Variants in PTPRO observed in about 807,000 individuals in gnomAD.
PTPRO encodes protein tyrosine phosphatase receptor type O.
Under a neutral mutation model 145.2 loss-of-function variants are expected in PTPRO, and 62 were observed. The ratio of observed to expected loss-of-function variants is 0.43; its 90% CI spans 0.35 to 0.53. The LOEUF (loss-of-function observed/expected upper bound fraction) is 0.53. Ranked by LOEUF, PTPRO falls within the 20% of genes least tolerant of loss-of-function variation. The probability of loss-of-function intolerance (pLI) is 0.01; values close to 1 mark genes in which losing one functional copy is unlikely to be tolerated. For synonymous variants in PTPRO, 565 were observed against 514.7 expected (o/e 1.10, Z -1.32); for missense variants, 1,345 against 1,482.7 (o/e 0.91, Z 1.53).
chr12:15,556,666 A>T (rs1418101217), intron 15 of PTPRO, among the ~76,000 whole-genome samples: 3 of 152,198 alleles, frequency 2.0e-5, no homozygotes, highest in Admixed American at 2.0e-4. Flanking sequence ...TAAGAGAAAG[A>T]TTTTGGAGGA....
At chr12:15,583,866 C>T (rs879621154) in intron 23 of PTPRO, among the ~76,000 whole-genome samples, 5 of 152,178 alleles carry the variant, frequency 3.3e-5, no homozygotes, top group Non-Finnish European at 5.9e-5. Flanking sequence ...TGTTAACTGG[C>T]AGTTAACAAT....
intron 1 of PTPRO, among the ~76,000 whole-genome samples, chr12:15,404,373 G>A (rs888507249): frequency 6.6e-5 from 10 of 152,018 alleles, no homozygotes; most frequent in African/African-American, 2.2e-4. Context: ...ATTACTCATG[G>A]CATTGGACAT....
chr12:15,369,419 G>A (rs1938457100), intron 1 of PTPRO, among the ~76,000 whole-genome samples: 2 of 152,144 alleles, frequency 1.3e-5, no homozygotes, highest in South Asian at 4.1e-4. Context: ...CTAGCAGGTA[G>A]GATGCGAAAC....
rs1395692706 is a variant in PTPRO at position 15,484,018 on chromosome 12, C to T, written c.120C>T (p.Ile40=). 6 of 1,613,522 alleles carry T rather than the reference C, an allele frequency of 3.7e-6. No individual in the cohort carries two copies. Among genetic ancestry groups the T allele is most frequent in the Non-Finnish European group, 5.1e-6 (6 of 1,179,532 alleles). The change falls in exon 2 of 27, where the codon ATC becomes ATT. Residue 40 remains isoleucine (I), a synonymous_variant. Coordinates refer to ENST00000281171, the MANE Select transcript of PTPRO (RefSeq NM_030667.3). ...FHVTVQDDNN[I]VVSLEASDVI... is the part of the protein sequence containing the mutation. ...TAACTGTCCAAGATGATAATAACAT[C>T]GTTGTCTCATTAGAAGCTTCAGACG...
At chr12:15,410,112 C>CAATAAAA (rs1208110988) in intron 1 of PTPRO, among the ~76,000 whole-genome samples, 4 of 151,932 alleles carry the variant, frequency 2.6e-5, no homozygotes, top group Non-Finnish European at 4.4e-5. Flanking sequence ...AAACAGAAAG[C>CAATAAAA]AGGAATAAAA....
At chr12:15,360,202 A>G (rs1370585399) in intron 1 of PTPRO, among the ~76,000 whole-genome samples, 1 of 152,202 alleles carries the variant, frequency 6.6e-6, no homozygotes, top group Admixed American at 6.5e-5. Context: ...TTACATTAAA[A>G]TATGAGTTTC....
At chr12:15,585,747 A>G (rs10744090) in intron 23 of PTPRO, among the ~76,000 whole-genome samples, 149,119 of 152,246 alleles carry the variant, frequency 0.98, 73,106 homozygotes, top group East Asian at 1. Context: ...CAAGTTTGAG[A>G]ACTGAGGGAT....
chr12:15,439,781 C>T, intron 1 of PTPRO: 1 of 601,674 alleles, frequency 1.7e-6, no homozygotes, highest in Admixed American at 2.0e-5. Flanking sequence ...CTTCTCCCTG[C>T]CCATCAAAGA....
At chr12:15,571,579 C>T (rs1944051023) in intron 19 of PTPRO, among the ~76,000 whole-genome samples, 1 of 152,362 alleles carries the variant, frequency 6.6e-6, no homozygotes, top group East Asian at 1.9e-4. Flanking sequence ...AGCCACGATG[C>T]CCAGCCCAAC....
Position 15,486,983 on chromosome 12 carries a change from C to T in PTPRO, c.349+2736C>T, listed in dbSNP as rs144512509. Among the ~76,000 whole-genome samples, 517 of 152,166 alleles carry T rather than the reference C, an allele frequency of 3.4e-3. 8 individuals are homozygous for T. Among genetic ancestry groups the T allele is most frequent in the African/African-American group, 0.012 (502 of 41,516 alleles). ...ACACCTTTCGTTCATCACAGATTTCCAGTTCTTCCCATGATAGGCTGCCAG... is the reference window on the plus strand; with the variant it reads ...ACACCTTTCGTTCATCACAGATTTCTAGTTCTTCCCATGATAGGCTGCCAG... On this transcript the variant is annotated intron_variant, in intron 2 of 26. Coordinates refer to ENST00000281171, the MANE Select transcript of PTPRO (RefSeq NM_030667.3).
chr12:15,412,403 C>A (rs1165018822), intron 1 of PTPRO, among the ~76,000 whole-genome samples: 1 of 152,212 alleles, frequency 6.6e-6, no homozygotes, highest in Non-Finnish European at 1.5e-5. Context: ...GAAAGGCTAT[C>A]ATGGGGTCAT....
intron 1 of PTPRO, among the ~76,000 whole-genome samples, chr12:15,466,389 G>A (rs1000163298): frequency 1.3e-5 from 2 of 152,068 alleles, no homozygotes; most frequent in African/African-American, 4.8e-5. Context: ...CTGAAAAAAT[G>A]CACATTGAAA....
chr12:15,560,308 A>T, intron 17 of PTPRO, 32 bp downstream of exon 17: 2 of 1,472,054 alleles, frequency 1.4e-6, no homozygotes, highest in Non-Finnish European at 1.9e-6. Context: ...TTTAACACAA[A>T]CTCTTTAAAA....
chr12:15,513,172 A>G (rs1279636708), intron 7 of PTPRO, among the ~76,000 whole-genome samples: 5 of 80,518 alleles, frequency 6.2e-5, no homozygotes, highest in Non-Finnish European at 1.0e-4. Context: ...AAAGAAAGAA[A>G]GAAAGAAAGA....
chr12:15,329,791 G>A (rs1305818411), intron 1 of PTPRO, among the ~76,000 whole-genome samples: 10 of 152,172 alleles, frequency 6.6e-5, no homozygotes, highest in African/African-American at 2.4e-5. Context: ...TTTGTTTTAC[G>A]GATGAAAATG....
At chr12:15,575,526 T>C (rs2135629183) in intron 19 of PTPRO, among the ~76,000 whole-genome samples, 1 of 152,326 alleles carries the variant, frequency 6.6e-6, no homozygotes, top group Middle Eastern at 3.4e-3. Flanking sequence ...AAACTATCAC[T>C]CTATGGTGTT....
chr12:15,483,084 T>C (rs900840570), intron 1 of PTPRO, among the ~76,000 whole-genome samples: 3 of 152,102 alleles, frequency 2.0e-5, no homozygotes, highest in Non-Finnish European at 4.4e-5. Context: ...CCTGCTATTA[T>C]AGAAAAGAAA....
At chr12:15,578,149 A>G (rs1483161423) in intron 19 of PTPRO, among the ~76,000 whole-genome samples, 4 of 152,198 alleles carry the variant, frequency 2.6e-5, no homozygotes, top group African/African-American at 9.7e-5. Context: ...ATACTTTGTA[A>G]CATGGAGATT....
chr12:15,384,412 A>G (rs902627686), intron 1 of PTPRO, among the ~76,000 whole-genome samples: 12 of 152,172 alleles, frequency 7.9e-5, no homozygotes, highest in Admixed American at 7.9e-4. Flanking sequence ...GTGTTTTCTC[A>G]TAGTTCTGGA....
Sources: allele counts gnomAD v4.1 joint callset (sites outside exome capture counted in the v4.1 genomes callset), GRCh38; gene constraint gnomAD v4.1.1; transcripts MANE v1.5; gene names NCBI Gene and HGNC (gene_info 2026-07-23, HGNC 2026-07-21).